Variants in KLF9 observed in about 807,000 individuals in gnomAD.
KLF9 encodes KLF transcription factor 9.
A neutral mutation model predicts 17.3 loss-of-function variants in KLF9; 2 were observed. That is an observed-to-expected ratio of 0.12 (90% CI 0.05 to 0.36). The LOEUF is 0.36. Ranked by LOEUF, KLF9 falls within the 10% of genes least tolerant of loss-of-function variation. The pLI, the probability that KLF9 is intolerant of heterozygous loss-of-function variation, is 1.00. For missense variants in KLF9, 226 were observed against 333.2 expected (o/e 0.68, Z 2.51); for synonymous variants, 138 against 139.2 (o/e 0.99, Z 0.06).
rs2037284650 is a variant in KLF9 at position 70,409,092 on chromosome 9, G to GTGTATA, written c.505+3766_505+3767insTATACA. ...TATGTGTATATATATACACATATAT[G>GTGTATA]TATATATATGTGTATATATATACAT... On this transcript the variant is annotated intron_variant, in intron 1 of 1. Coordinates refer to ENST00000377126, the MANE Select transcript of KLF9 (RefSeq NM_001206.4). 3.5e-5 allele frequency among the ~76,000 whole-genome samples: 3 copies of GTGTATA among 86,050 alleles called. No individual in the cohort carries two copies. In the Admixed American group the frequency reaches 4.2e-4, roughly 12 times the overall value. 56.5% of individuals were successfully genotyped at this position (86,050 alleles called of 152,430 possible). A position where few individuals can be genotyped will look rare whatever the true frequency, so the allele number is the denominator to read the frequency against.
chr9:70,404,318 G>A (rs1413562739), intron 1 of KLF9, among the ~76,000 whole-genome samples: 2 of 152,276 alleles, frequency 1.3e-5, no homozygotes, highest in African/African-American at 2.4e-5. Context: ...TGAATGAGAT[G>A]GCTGGGTGCA....
intron 1 of KLF9, among the ~76,000 whole-genome samples, chr9:70,411,450 A>T (rs1242372933): frequency 6.6e-6 from 1 of 152,196 alleles, no homozygotes; most frequent in East Asian, 1.9e-4. Context: ...GCAACCTTAC[A>T]GATACAAGCC....
chr9:70,398,052 A>G (rs2037194407), intron 1 of KLF9, among the ~76,000 whole-genome samples: 1 of 152,248 alleles, frequency 6.6e-6, no homozygotes, highest in Admixed American at 6.5e-5. Flanking sequence ...GTTTATCAGA[A>G]ATATTGCTTT....
At position 70,385,244 on chromosome 9, in the gene KLF9, T is replaced by G. The variant is rs972826476; in HGVS notation, c.*2532A>C. On this transcript the variant is annotated 3_prime_UTR_variant, in exon 2 of 2. Coordinates refer to ENST00000377126, the MANE Select transcript of KLF9 (RefSeq NM_001206.4). Reference sequence around the variant, plus strand: ...TTCAATGAACTCTAGTAGTCCTATTTGAACCATATCTTGATATAGTAAATC... The same window carrying G: ...TTCAATGAACTCTAGTAGTCCTATTGGAACCATATCTTGATATAGTAAATC... The G allele has an allele frequency of 1.3e-5, 2 of 152,688 alleles. No individual in the cohort carries two copies. The highest frequency in any genetic ancestry group is 2.4e-5 in the African/African-American group (1 of 41,476). The allele number at this position is 152,688 out of a possible 1,614,324, so 9.5% of individuals were successfully genotyped here.
intron 1 of KLF9, among the ~76,000 whole-genome samples, chr9:70,400,366 A>G (rs1231240723): frequency 6.6e-6 from 1 of 152,150 alleles, no homozygotes; most frequent in Non-Finnish European, 1.5e-5. Flanking sequence ...AGGTCAAAGG[A>G]CAGCATGCAA....
chr9:70,390,516 G>A (rs1317880048), intron 1 of KLF9, among the ~76,000 whole-genome samples: 2 of 152,144 alleles, frequency 1.3e-5, no homozygotes, highest in East Asian at 3.8e-4. Flanking sequence ...TTGAGCAAAA[G>A]TCAAAATACA....
intron 1 of KLF9, among the ~76,000 whole-genome samples, chr9:70,408,490 T>C (rs2037273049): frequency 6.6e-6 from 1 of 152,128 alleles, no homozygotes; most frequent in African/African-American, 2.4e-5. Flanking sequence ...AGGGCTTCCG[T>C]TCCACTCATG....
rs1448934654 is a variant in KLF9 at position 70,387,007 on chromosome 9, A to T, written c.*769T>A. 6.6e-6 allele frequency: 1 copy of T among 152,670 alleles called. No individual in the cohort carries two copies. Among genetic ancestry groups the T allele is most frequent in the Non-Finnish European group, 1.5e-5 (1 of 68,046 alleles). 9.5% of individuals were successfully genotyped at this position (152,670 alleles called of 1,614,324 possible). ...AGTGCAGCTTATGTTCAAAAAGTAC[A>T]ACTCATACAAAGCAAGGTTTAAAAG... On this transcript the variant is annotated 3_prime_UTR_variant, in exon 2 of 2. Coordinates refer to ENST00000377126, the MANE Select transcript of KLF9 (RefSeq NM_001206.4).
intron 1 of KLF9, among the ~76,000 whole-genome samples, chr9:70,409,130 G>GTGTATATATA (rs1564089305): frequency 1.9e-5 from 1 of 52,962 alleles, no homozygotes; most frequent in African/African-American, 4.7e-5. Context: ...ATGTATATAT[G>GTGTATATATA]TATACATATA....
chr9:70,391,991 G>A (rs1587738718), intron 1 of KLF9, among the ~76,000 whole-genome samples: 1 of 152,212 alleles, frequency 6.6e-6, no homozygotes, highest in East Asian at 1.9e-4. Context: ...TTACTATCAG[G>A]ACCTTTTGCA....
chr9:70,397,244 G>T (rs765705517), intron 1 of KLF9, among the ~76,000 whole-genome samples: 6 of 152,122 alleles, frequency 3.9e-5, no homozygotes, highest in African/African-American at 1.4e-4. Context: ...GGAGGCCAAG[G>T]GGGGTGGATC....
chr9:70,389,781 C>T (rs1353641477), intron 1 of KLF9, among the ~76,000 whole-genome samples: 1 of 152,210 alleles, frequency 6.6e-6, no homozygotes, highest in Non-Finnish European at 1.5e-5. Flanking sequence ...ACTGCCATCG[C>T]CCTGGCTCCC....
At chr9:70,389,997 G>A (rs1362227093) in intron 1 of KLF9, among the ~76,000 whole-genome samples, 7 of 152,210 alleles carry the variant, frequency 4.6e-5, no homozygotes, top group South Asian at 4.1e-4. Flanking sequence ...GCTGTCCAGC[G>A]TGGTGCATTT....
intron 1 of KLF9, among the ~76,000 whole-genome samples, chr9:70,400,334 C>T (rs982334144): frequency 6.6e-5 from 10 of 152,134 alleles, no homozygotes; most frequent in Admixed American, 2.0e-4. Context: ...GCATGACAGA[C>T]GTCTCAGTGG....
chr9:70,403,016 G>A (rs548731020), intron 1 of KLF9, among the ~76,000 whole-genome samples: 34 of 152,226 alleles, frequency 2.2e-4, no homozygotes, highest in African/African-American at 8.2e-4. Context: ...CTGGCATGGT[G>A]GGGTGTGGCT....
At chr9:70,408,438 A>G (rs544330075) in intron 1 of KLF9, among the ~76,000 whole-genome samples, 49 of 152,012 alleles carry the variant, frequency 3.2e-4, no homozygotes, top group African/African-American at 1.1e-3. Context: ...CTCTGGAAAG[A>G]AGAATGGGGT....
intron 1 of KLF9, among the ~76,000 whole-genome samples, chr9:70,402,800 T>G (rs2037231091): frequency 6.6e-6 from 1 of 152,236 alleles, no homozygotes; most frequent in Admixed American, 6.5e-5. Context: ...AATATCGTAC[T>G]GTTTGCCTCT....
chr9:70,414,453 A>G lies in KLF9; in HGVS notation c.-1090T>C, dbSNP rs952639847. 8 of 152,238 alleles carry G rather than the reference A, an allele frequency of 5.3e-5. No homozygotes were observed. Among genetic ancestry groups the G allele is most frequent in the African/African-American group, 1.9e-4 (8 of 41,458 alleles). 9.4% of individuals were successfully genotyped at this position (152,238 alleles called of 1,614,324 possible). ...ACTGGCATTGGCTCGGCCAATCACA[A>G]GGGCGTTCCGAAAGCAAGCGCTCGA... On this transcript the variant is annotated 5_prime_UTR_variant, in exon 1 of 2. Transcript: ENST00000377126.
intron 1 of KLF9, among the ~76,000 whole-genome samples, chr9:70,408,238 G>C (rs2037270913): frequency 1.3e-5 from 2 of 152,118 alleles, no homozygotes; most frequent in Non-Finnish European, 2.9e-5. Context: ...AGCCGAGTGT[G>C]GTGGCACACA....
Sources: gnomAD v4.1 joint callset for allele counts (sites outside exome capture counted in the v4.1 genomes callset) on GRCh38, gnomAD v4.1.1 for gene constraint, MANE v1.5 for transcripts, NCBI Gene and HGNC (gene_info 2026-07-23, HGNC 2026-07-21) for gene names.